Variants in ADAM19 observed in about 807,000 individuals in gnomAD.
The protein encoded by ADAM19 is ADAM metallopeptidase domain 19, also known as disintegrin and metalloproteinase domain-containing protein 19.
ADAM19 carries 65 observed loss-of-function variants against 114.7 expected under a neutral mutation model. The observed-to-expected ratio is 0.57, with a 90% confidence interval of 0.46 to 0.70. ADAM19 has a LOEUF of 0.70. Among genes scored for constraint, ADAM19 ranks in the 30% least tolerant of loss-of-function variants. The pLI is 0.00. For synonymous variants in ADAM19, 466 were observed against 460.5 expected (o/e 1.01, Z -0.15); for missense variants, 1,063 against 1,204.7 (o/e 0.88, Z 1.74).
Position 157,491,695 on chromosome 5 carries a change from C to G in ADAM19, c.2015G>C (p.Cys672Ser). ...GVCNNNQNCH[C>S]LPGWAPPFCN... ...GAAGGGCGGGGCCCAGCCCGGCAGG[C>G]AGTGGCAGTTCTGGTTGTTGTTACA... Residue 672 changes from cysteine (C) to serine (S), a missense_variant, in exon 18 of 23, where the codon TGC (cysteine) becomes TCC (serine). This residue lies in a region of ADAM19 where 424 missense variants were observed against 445.5 expected (regional missense o/e 0.95). Transcript: ENST00000257527. 1.3e-6 allele frequency: 2 copies of G among 1,586,914 alleles called. No homozygotes were observed. Among genetic ancestry groups the G allele is most frequent in the Admixed American group, 1.7e-5 (1 of 57,690 alleles).
intron 5 of ADAM19, among the ~76,000 whole-genome samples, chr5:157,530,334 G>T (rs1756589632): frequency 6.6e-6 from 1 of 152,164 alleles, no homozygotes; most frequent in Admixed American, 6.5e-5. Context: ...CTGCTGAAAT[G>T]ATGCAAACTA....
chr5:157,488,603 A>G, intron 20 of ADAM19, 114 bp from the exon 21 acceptor site: 1 of 813,488 alleles, frequency 1.2e-6, no homozygotes, highest in Non-Finnish European at 1.9e-6. Context: ...CAATCTATTA[A>G]ACCCCTGAGG....
intron 4 of ADAM19, among the ~76,000 whole-genome samples, chr5:157,533,207 G>A (rs1323686815): frequency 2.0e-5 from 3 of 152,134 alleles, no homozygotes; most frequent in East Asian, 3.8e-4. Context: ...ATGATCCATC[G>A]GCCAGCGATG....
At chr5:157,539,063 G>A (rs1453295014) in intron 3 of ADAM19, among the ~76,000 whole-genome samples, 1 of 151,034 alleles carries the variant, frequency 6.6e-6, no homozygotes, top group Non-Finnish European at 1.5e-5. Context: ...TGAGGCAGGA[G>A]AACTGCTTGA....
At chr5:157,528,773 TA>T (rs1337209466) in intron 5 of ADAM19, among the ~76,000 whole-genome samples, 3 of 152,178 alleles carry the variant, frequency 2.0e-5, no homozygotes, top group Non-Finnish European at 2.9e-5. Flanking sequence ...CCCTTATGTT[TA>T]AAAGTACTAT....
At chr5:157,490,891 CAAA>C (rs34600745) in intron 18 of ADAM19, among the ~76,000 whole-genome samples, 1 of 110,328 alleles carries the variant, frequency 9.1e-6, no homozygotes. Flanking sequence ...GACTCCGTCT[CAAA>C]AAAAAAAAAA....
At chr5:157,484,432 G>A (rs1754864042) in intron 21 of ADAM19, among the ~76,000 whole-genome samples, 2 of 152,132 alleles carry the variant, frequency 1.3e-5, no homozygotes, top group Non-Finnish European at 2.9e-5. Context: ...AAGAATGACT[G>A]TCCCACCCGC....
At chr5:157,532,433 T>A (rs113896793) in intron 4 of ADAM19, among the ~76,000 whole-genome samples, 45 of 152,328 alleles carry the variant, frequency 3.0e-4, no homozygotes, top group African/African-American at 1.0e-3. Context: ...ATACGCACTG[T>A]TGGGCATGCT....
intron 13 of ADAM19, among the ~76,000 whole-genome samples, chr5:157,498,737 C>CATA (rs1755451397): frequency 6.7e-6 from 1 of 148,732 alleles, no homozygotes; most frequent in Non-Finnish European, 1.5e-5. Context: ...CATATGTCCG[C>CATA]ATATATAACT....
At chr5:157,498,283 G>T (rs1221391396) in intron 13 of ADAM19, among the ~76,000 whole-genome samples, 1 of 152,240 alleles carries the variant, frequency 6.6e-6, no homozygotes. Context: ...GGCATGGGTG[G>T]TGTATGCAGG....
At position 157,479,414 on chromosome 5, in the gene ADAM19, G is replaced by T; in HGVS notation, c.*1535C>A. The T allele has an allele frequency of 2.0e-6, 2 of 986,024 alleles. No individual in the cohort carries two copies. The highest frequency in any genetic ancestry group is 4.7e-5 in the South Asian group (1 of 21,292). The allele number at this position is 986,024 out of a possible 1,614,324, so 61.1% of individuals were successfully genotyped here. ...ATGGCAGGATGGGAGGAGGCCCCAG[G>T]AAAGCCTCAGAGGAGTGAGAGTCAG... On this transcript the variant is annotated 3_prime_UTR_variant, in exon 23 of 23. Coordinates refer to ENST00000257527, the MANE Select transcript of ADAM19 (RefSeq NM_033274.5).
chr5:157,477,734 C>G lies in ADAM19; in HGVS notation c.*3215G>C, dbSNP rs776359464. 2 of 1,289,412 alleles carry G rather than the reference C, an allele frequency of 1.6e-6. No individual in the cohort carries two copies. The highest frequency in any genetic ancestry group is 2.0e-6 in the Non-Finnish European group (2 of 988,646). The allele number at this position is 1,289,412 out of a possible 1,614,324, so 79.9% of individuals were successfully genotyped here. ...TTTCAAATTGCAAGTCTTCCATACC[C>G]TCTGTCAAATAAGAATAAATTAGGA... On this transcript the variant is annotated 3_prime_UTR_variant, in exon 23 of 23. Transcript: ENST00000257527.
intron 3 of ADAM19, among the ~76,000 whole-genome samples, chr5:157,540,359 A>C (rs74767103): frequency 0.043 from 6,595 of 152,268 alleles, 206 homozygotes; most frequent in South Asian, 0.12. Context: ...AGGAGTTCAG[A>C]GTTTAATAGT....
chr5:157,572,392 G>A (rs200908589), intron 1 of ADAM19: 18 of 402,788 alleles, frequency 4.5e-5, no homozygotes, highest in African/African-American at 6.2e-5. Context: ...GTAATTTCCC[G>A]ACACCTAAAC....
chr5:157,508,020 C>T (rs1755801309), intron 9 of ADAM19, among the ~76,000 whole-genome samples: 1 of 152,208 alleles, frequency 6.6e-6, no homozygotes, highest in Admixed American at 6.5e-5. Flanking sequence ...GAATCTCACA[C>T]ATAGTGGGTA....
chr5:157,530,904 G>T, intron 4 of ADAM19, 21 bp from the exon 5 acceptor site: 1 of 1,604,628 alleles, frequency 6.2e-7, no homozygotes, highest in Non-Finnish European at 8.5e-7. Context: ...GAAAGGAGGT[G>T]GTCAGGCTAA....
At position 157,480,129 on chromosome 5, in the gene ADAM19, G is replaced by A; in HGVS notation, c.*820C>T. ...TCACCAAAGCACCACACATTAGAGG[G>A]AGAATGAGAGGGGAAGGAAGAGAGA... On this transcript the variant is annotated 3_prime_UTR_variant, in exon 23 of 23. Coordinates refer to ENST00000257527, the MANE Select transcript of ADAM19 (RefSeq NM_033274.5). 1 of 986,030 alleles carries A rather than the reference G, an allele frequency of 1.0e-6. No individual in the cohort carries two copies. The allele number at this position is 986,030 out of a possible 1,614,324, so 61.1% of individuals were successfully genotyped here.
intron 3 of ADAM19, among the ~76,000 whole-genome samples, chr5:157,562,750 A>G (rs1188064475): frequency 6.6e-6 from 1 of 152,174 alleles, no homozygotes. Flanking sequence ...AGATCATTCC[A>G]TTCAGTGTTT....
At chr5:157,522,053 CAG>C (rs1756307414) in intron 5 of ADAM19, among the ~76,000 whole-genome samples, 1 of 152,206 alleles carries the variant, frequency 6.6e-6, no homozygotes, top group Admixed American at 6.5e-5. Flanking sequence ...CTAAACAGGA[CAG>C]AGACCAAGCC....
Sources: allele counts gnomAD v4.1 joint callset (sites outside exome capture counted in the v4.1 genomes callset), GRCh38; gene constraint gnomAD v4.1.1; regional missense constraint gnomAD v4.1.1; transcripts MANE v1.5; gene names NCBI Gene and HGNC (gene_info 2026-07-23, HGNC 2026-07-21).